The following ZNF461 variants were observed in gnomAD, a reference collection of about 807,000 sequenced individuals.
The protein encoded by ZNF461 is gonadotropin-inducible ovarian transcription factor-1.
Under a neutral mutation model 18.3 loss-of-function variants are expected in ZNF461, and 16 were observed. The observed-to-expected ratio is 0.88, with a 90% confidence interval of 0.59 to 1.33. The LOEUF (loss-of-function observed/expected upper bound fraction) is 1.33. Ranked by LOEUF, ZNF461 falls within the 40% of genes most tolerant of loss-of-function variation. The pLI is 0.00. For synonymous variants in ZNF461, 179 were observed against 216.9 expected (o/e 0.83, Z 1.54); for missense variants, 595 against 669.9 (o/e 0.89, Z 1.23).
At position 36,639,656 on chromosome 19, in the gene ZNF461, G is replaced by A. The variant is rs1329388390; in HGVS notation, c.689C>T (p.Thr230Ile). 3.7e-6 allele frequency: 6 copies of A among 1,613,842 alleles called. No homozygotes were observed. The highest frequency in any genetic ancestry group is 5.1e-6 in the Non-Finnish European group (6 of 1,179,818). ...TGTCTGTTGTTTAAAAAGGCATGGTGTATTAACAATTTCTGTGCATTCTTT... is the reference window on the plus strand; with the variant it reads ...TGTCTGTTGTTTAAAAAGGCATGGTATATTAACAATTTCTGTGCATTCTTT... ...ECKECTEIVNTPCLFKQQTIQ... is the reference protein window; with the variant it reads ...ECKECTEIVNIPCLFKQQTIQ... The change falls in exon 6 of 6, where the codon ACA (threonine) becomes ATA (isoleucine). Residue 230 changes from threonine (T) to isoleucine (I), a missense_variant. Thr to Ile is a moderately conservative substitution (Grantham distance 89). Coordinates refer to ENST00000588268, the MANE Select transcript of ZNF461 (RefSeq NM_153257.5).
chr19:36,666,171 A>T (rs532953832), intron 1 of ZNF461, among the ~76,000 whole-genome samples: 2 of 150,452 alleles, frequency 1.3e-5, no homozygotes, highest in Non-Finnish European at 3.0e-5. Flanking sequence ...CTCGGCTCAC[A>T]GCAACCTCCG....
intron 2 of ZNF461, among the ~76,000 whole-genome samples, chr19:36,662,861 T>G (rs1034812040): frequency 2.0e-4 from 30 of 152,166 alleles, no homozygotes; most frequent in African/African-American, 7.0e-4. Flanking sequence ...TTAACAATTA[T>G]CAGGATACCA....
intron 5 of ZNF461, 53 bp downstream of exon 5, chr19:36,643,741 G>T: frequency 6.9e-7 from 1 of 1,445,154 alleles, no homozygotes; most frequent in South Asian, 1.5e-5. Flanking sequence ...GAAATTAGCT[G>T]ACTTTGTTAC....
At chr19:36,644,051 G>C (rs1471123626) in intron 4 of ZNF461, among the ~76,000 whole-genome samples, 189 bp from the exon 5 acceptor site, 3 of 152,080 alleles carry the variant, frequency 2.0e-5, no homozygotes, top group African/African-American at 7.2e-5. Flanking sequence ...TCCTGCTTCA[G>C]CCTCCCAAGT....
Position 36,639,171 on chromosome 19 carries a change from T to C in ZNF461, c.1174A>G (p.Lys392Glu), listed in dbSNP as rs764049678. Residue 392 changes from lysine (K) to glutamate (E), a missense_variant, in exon 6 of 6, where the codon AAG becomes GAG. Coordinates refer to ENST00000588268, the MANE Select transcript of ZNF461 (RefSeq NM_153257.5). ...AAGCTTGAGTGATAGCTAAAGGCCT[T>C]CCCACATTCCCGACATTCATAGGGT... The part of the protein sequence containing the change: ...EKPYECRECG[K>E]AFSYHSSFSH... 2.5e-6 allele frequency: 4 copies of C among 1,614,078 alleles called. No individual in the cohort carries two copies. In the Admixed American group the frequency reaches 6.7e-5, roughly 27 times the overall value.
intron 3 of ZNF461, among the ~76,000 whole-genome samples, chr19:36,657,002 A>G (rs1341262769): frequency 6.6e-6 from 1 of 150,738 alleles, no homozygotes; most frequent in Admixed American, 6.6e-5. Context: ...GTATTTTAGT[A>G]GAAACGGGGT....
chr19:36,661,363 A>G (rs2037816273), intron 2 of ZNF461, among the ~76,000 whole-genome samples: 1 of 152,168 alleles, frequency 6.6e-6, no homozygotes, highest in South Asian at 2.1e-4. Flanking sequence ...TGTAAAGCAC[A>G]TTGCAAACCT....
At chr19:36,666,011 T>C (rs2037918322) in intron 1 of ZNF461, among the ~76,000 whole-genome samples, 1 of 151,356 alleles carries the variant, frequency 6.6e-6, no homozygotes, top group Non-Finnish European at 1.5e-5. Context: ...CGTGTGTCTG[T>C]GTGTGAGAGA....
chr19:36,663,305 A>G (rs2037847855), intron 2 of ZNF461, among the ~76,000 whole-genome samples: 1 of 152,124 alleles, frequency 6.6e-6, no homozygotes, highest in South Asian at 2.1e-4. Context: ...ATAAGCTGCC[A>G]TGCCCAGTCC....
intron 4 of ZNF461, among the ~76,000 whole-genome samples, chr19:36,646,254 C>T (rs987938438): frequency 6.6e-6 from 1 of 150,798 alleles, no homozygotes; most frequent in South Asian, 2.1e-4. Flanking sequence ...CCTCAGCCTC[C>T]CCAGTAGCTG....
Position 36,656,547 on chromosome 19 carries a change from G to A in ZNF461, c.137-4C>T, listed in dbSNP as rs772549665. On this transcript the variant is annotated splice_region_variant and splice_polypyrimidine_tract_variant and intron_variant, in intron 3 of 5. Coordinates refer to ENST00000588268, the MANE Select transcript of ZNF461 (RefSeq NM_153257.5). ...GCTGGCTTAGAAACAGAAAGTCCTA[G>A]TTATAAGAAAAGAAATTGAGATGAG... 1.9e-6 allele frequency: 3 copies of A among 1,611,032 alleles called. No homozygotes were observed. The East Asian group carries it at 6.7e-5, about 36-fold the overall frequency.
intron 2 of ZNF461, among the ~76,000 whole-genome samples, chr19:36,659,288 A>G (rs567284585): frequency 1.3e-5 from 2 of 152,340 alleles, no homozygotes; most frequent in South Asian, 2.1e-4. Flanking sequence ...CATGGAACAG[A>G]GCTGAGCGAT....
chr19:36,663,282 T>C (rs1317435397), intron 2 of ZNF461, among the ~76,000 whole-genome samples: 2 of 152,186 alleles, frequency 1.3e-5, no homozygotes, highest in African/African-American at 4.8e-5. Context: ...CCCAAAGTGC[T>C]GGGATTATGG....
At chr19:36,641,337 T>C (rs1276696890) in intron 5 of ZNF461, among the ~76,000 whole-genome samples, 1 of 151,994 alleles carries the variant, frequency 6.6e-6, no homozygotes, top group Non-Finnish European at 1.5e-5. Flanking sequence ...CTGGCCAACA[T>C]GGTGAAACCT....
chr19:36,637,225 C>T lies in ZNF461; in HGVS notation c.*1428G>A, dbSNP rs1365384664. The T allele has an allele frequency of 6.6e-6, 1 of 150,632 alleles. No homozygotes were observed. The highest frequency in any genetic ancestry group is 2.4e-5 in the African/African-American group (1 of 40,890). The allele number at this position is 150,632 out of a possible 1,614,324, so 9.3% of individuals were successfully genotyped here. A position where few individuals can be genotyped will look rare whatever the true frequency, so the allele number is the denominator to read the frequency against. On this transcript the variant is annotated 3_prime_UTR_variant, in exon 6 of 6. Coordinates refer to ENST00000588268, the MANE Select transcript of ZNF461 (RefSeq NM_153257.5). ...TTTTTTTTTCTTTTTGAGACAGAGT[C>T]TCACTGTGTTGCCCACGCTGGAGTG...
Position 36,639,337 on chromosome 19 carries a change from C to G in ZNF461, c.1008G>C (p.Lys336Asn). ...EKPYECKQCG[K>N]AFIRGFQLTE... ...TAAGTTGAAAGCCACGAATAAAAGC[C>G]TTCCCACATTGCTTACATTCATAGG... Residue 336 changes from lysine (K) to asparagine (N), a missense_variant, in exon 6 of 6, where the codon AAG becomes AAC. Transcript: ENST00000588268. 2 of 1,614,086 alleles carry G rather than the reference C, an allele frequency of 1.2e-6. No individual in the cohort carries two copies. The highest frequency in any genetic ancestry group is 1.7e-6 in the Non-Finnish European group (2 of 1,180,014).
intron 4 of ZNF461, among the ~76,000 whole-genome samples, chr19:36,652,796 C>T (rs556278526): frequency 4.6e-5 from 7 of 152,158 alleles, no homozygotes; most frequent in South Asian, 2.1e-4. Context: ...ACCTTGCTAC[C>T]GCTCAAAAAA....
intron 2 of ZNF461, among the ~76,000 whole-genome samples, chr19:36,661,561 G>T (rs2037819646): frequency 6.6e-6 from 1 of 151,924 alleles, no homozygotes; most frequent in African/African-American, 2.4e-5. Flanking sequence ...AATTTAAGTG[G>T]TCAAACTACA....
intron 1 of ZNF461, among the ~76,000 whole-genome samples, chr19:36,666,102 T>TTG (rs904150825): frequency 3.3e-5 from 5 of 151,638 alleles, no homozygotes; most frequent in Non-Finnish European, 5.9e-5. Context: ...TTTGTTTTTT[T>TTG]TTTTTTGAGA....
Sources: allele counts gnomAD v4.1 joint callset (sites outside exome capture counted in the v4.1 genomes callset), GRCh38; gene constraint gnomAD v4.1.1; transcripts MANE v1.5; gene names NCBI Gene and HGNC (gene_info 2026-07-23, HGNC 2026-07-21).